Variants in SCHIP1 observed in about 807,000 individuals in gnomAD.
SCHIP1 encodes the protein schwannomin interacting protein 1.
SCHIP1 carries 8 observed loss-of-function variants against 29.7 expected under a neutral mutation model. That is an observed-to-expected ratio of 0.27 (90% CI 0.16 to 0.49). SCHIP1 has a LOEUF of 0.49. SCHIP1 is among the 20% of genes least tolerant of loss of function. The pLI is 0.99. For missense variants in SCHIP1, 193 were observed against 294.6 expected, an observed-to-expected ratio of 0.66 and a Z score of 2.52; for synonymous variants, 76 against 94.9, an observed-to-expected ratio of 0.80 and a Z score of 1.16.
chr3:159,345,554 T>TCTC, the SCHIP1 span, among the ~76,000 whole-genome samples: 137 of 93,514 alleles, frequency 1.5e-3, no homozygotes, highest in African/African-American at 4.9e-3. Context: ...GTGTCTCTCT[T>TCTC]TCTCTCTCTC....
chr3:159,521,066 CT>C, the SCHIP1 span, among the ~76,000 whole-genome samples: 3 of 152,178 alleles, frequency 2.0e-5, no homozygotes, highest in Non-Finnish European at 4.4e-5. Flanking sequence ...ATATTGCCAA[CT>C]TGCTTTCTGT....
At chr3:159,475,952 A>G in the SCHIP1 span, among the ~76,000 whole-genome samples, 7 of 152,148 alleles carry the variant, frequency 4.6e-5, no homozygotes, top group Admixed American at 2.0e-4. Context: ...AAGGACCCAC[A>G]TTTCTGTGTC....
chr3:159,284,682 A>G, the SCHIP1 span, among the ~76,000 whole-genome samples: 1 of 151,882 alleles, frequency 6.6e-6, no homozygotes, highest in South Asian at 2.1e-4. Flanking sequence ...TCTTTAGTAG[A>G]GATTGGGTTT....
chr3:159,874,074 T>C (rs1715535210), intron 2 of SCHIP1, among the ~76,000 whole-genome samples: 1 of 152,236 alleles, frequency 6.6e-6, no homozygotes, highest in South Asian at 2.1e-4. Flanking sequence ...TTTTTAAACA[T>C]TACAACCTGA....
At chr3:159,881,229 T>A (rs1466519325) in intron 2 of SCHIP1, among the ~76,000 whole-genome samples, 2 of 152,238 alleles carry the variant, frequency 1.3e-5, no homozygotes, top group Admixed American at 6.5e-5. Context: ...ACAATCCATA[T>A]TTTATGTTTC....
chr3:159,407,602 G>A, the SCHIP1 span, among the ~76,000 whole-genome samples: 1 of 152,116 alleles, frequency 6.6e-6, no homozygotes, highest in East Asian at 1.9e-4. Context: ...CTCAGCACAT[G>A]GATCATTTTC....
chr3:159,436,645 C>T, the SCHIP1 span, among the ~76,000 whole-genome samples: 2 of 152,150 alleles, frequency 1.3e-5, no homozygotes, highest in East Asian at 3.9e-4. Flanking sequence ...TCTATTTAGA[C>T]CACAATACAG....
chr3:159,756,138 T>A, the SCHIP1 span, among the ~76,000 whole-genome samples: 7 of 152,216 alleles, frequency 4.6e-5, no homozygotes, highest in African/African-American at 1.7e-4. Flanking sequence ...AGGGGCTCTG[T>A]TTGGGGGCTC....
the SCHIP1 span, among the ~76,000 whole-genome samples, chr3:159,620,182 T>G: frequency 6.6e-6 from 1 of 152,196 alleles, no homozygotes; most frequent in Non-Finnish European, 1.5e-5. Context: ...TATAAGAGAT[T>G]CATTTAATTT....
At chr3:159,802,704 A>G in the SCHIP1 span, among the ~76,000 whole-genome samples, 2 of 152,172 alleles carry the variant, frequency 1.3e-5, no homozygotes, top group African/African-American at 2.4e-5. Context: ...GTGATGATGA[A>G]TAGAGAAAAC....
At chr3:159,688,354 A>G in the SCHIP1 span, among the ~76,000 whole-genome samples, 1 of 152,194 alleles carries the variant, frequency 6.6e-6, no homozygotes, top group Non-Finnish European at 1.5e-5. Flanking sequence ...ATGACCAGTG[A>G]TGATGAGCTT....
the SCHIP1 span, among the ~76,000 whole-genome samples, chr3:159,349,723 A>G: frequency 3.9e-5 from 6 of 152,168 alleles, no homozygotes; most frequent in Non-Finnish European, 8.8e-5. Flanking sequence ...GAGCACCTGG[A>G]TGGTATCTCG....
At chr3:159,569,382 T>C in the SCHIP1 span, among the ~76,000 whole-genome samples, 1 of 152,216 alleles carries the variant, frequency 6.6e-6, no homozygotes, top group African/African-American at 2.4e-5. Flanking sequence ...GTGATCTCAT[T>C]ATTCAATTCC....
At chr3:159,293,360 C>T in the SCHIP1 span, among the ~76,000 whole-genome samples, 101 of 152,290 alleles carry the variant, frequency 6.6e-4, no homozygotes, top group African/African-American at 2.3e-3. Context: ...GGCTGGTCAG[C>T]GCAAGGAAAA....
At chr3:159,735,317 C>T in the SCHIP1 span, among the ~76,000 whole-genome samples, 1 of 151,870 alleles carries the variant, frequency 6.6e-6, no homozygotes, top group Non-Finnish European at 1.5e-5. Flanking sequence ...GCAACCTCTG[C>T]CTCCCGGGTT....
At chr3:159,428,072 G>T in the SCHIP1 span, among the ~76,000 whole-genome samples, 1 of 151,976 alleles carries the variant, frequency 6.6e-6, no homozygotes, top group Non-Finnish European at 1.5e-5. Context: ...TTACATGTTA[G>T]ACCTAAAACC....
the SCHIP1 span, among the ~76,000 whole-genome samples, chr3:159,288,715 C>G: frequency 1.3e-5 from 2 of 152,074 alleles, no homozygotes; most frequent in African/African-American, 4.8e-5. Context: ...GCAACAAGAG[C>G]GAAACTCGGT....
chr3:159,448,127 A>C, the SCHIP1 span, among the ~76,000 whole-genome samples: 3,800 of 152,244 alleles, frequency 0.025, 173 homozygotes, highest in African/African-American at 0.087. Flanking sequence ...TGACCACCTG[A>C]TGATGTAACT....
the SCHIP1 span, among the ~76,000 whole-genome samples, chr3:159,615,688 G>C: frequency 6.6e-6 from 1 of 152,122 alleles, no homozygotes; most frequent in Non-Finnish European, 1.5e-5. Context: ...AGAGGAATAA[G>C]GTTCACCTGA....
Sources: allele counts gnomAD v4.1 joint callset (sites outside exome capture counted in the v4.1 genomes callset), GRCh38; gene constraint gnomAD v4.1.1; transcripts MANE v1.5; gene names NCBI Gene and HGNC (gene_info 2026-07-23, HGNC 2026-07-21).